Variants in KCTD16 observed in about 807,000 individuals in gnomAD.
The protein encoded by KCTD16 is potassium channel tetramerization domain containing 16.
In KCTD16, 13 loss-of-function variants were observed where a neutral mutation model predicts 33.2. That is an observed-to-expected ratio of 0.39 (90% CI 0.25 to 0.62). The LOEUF is 0.62. Ranked by LOEUF, KCTD16 falls within the 20% of genes least tolerant of loss-of-function variation. The pLI is 0.50. For synonymous variants in KCTD16, 197 were observed against 195.3 expected, an observed-to-expected ratio of 1.01 and a Z score of -0.07; for missense variants, 441 against 525.1, an observed-to-expected ratio of 0.84 and a Z score of 1.57.
rs1756161786 is a variant in KCTD16 at position 144,299,128 on chromosome 5, ATATATATATATATATATATATTTTTTT to A, written c.832+91584_832+91610del. Among the ~76,000 whole-genome samples, 6 of 27,414 alleles carry A rather than the reference ATATATATATATATATATATATTTTTTT, an allele frequency of 2.2e-4. 1 individual carries two copies. The highest frequency in any genetic ancestry group is 1.4e-3 in the African/African-American group (6 of 4,368). The allele number at this position is 27,414 out of a possible 152,430, so 18.0% of individuals were successfully genotyped here. On this transcript the variant is annotated intron_variant, in intron 3 of 3. Coordinates refer to ENST00000512467, the MANE Select transcript of KCTD16 (RefSeq NM_020768.4). ...TATATATATATATATATATATATAT[ATATATATATATATATATATATTTTTTT>A]TTTTTTTTTTAACCTGTCACTGAGC... is the stretch of plus-strand genomic sequence containing the variant.
chr5:144,232,362 T>C (rs1471590989), intron 3 of KCTD16, among the ~76,000 whole-genome samples: 1 of 152,242 alleles, frequency 6.6e-6, no homozygotes, highest in East Asian at 1.9e-4. Flanking sequence ...TTAATATTTT[T>C]TGAGCACTTA....
At chr5:144,441,892 A>G (rs967085314) in intron 3 of KCTD16, among the ~76,000 whole-genome samples, 3 of 149,682 alleles carry the variant, frequency 2.0e-5, no homozygotes, top group African/African-American at 7.4e-5. Context: ...TTTGTTGGAG[A>G]TTGCATTGAA....
intron 3 of KCTD16, among the ~76,000 whole-genome samples, chr5:144,316,709 C>T (rs930759395): frequency 1.3e-5 from 2 of 151,570 alleles, no homozygotes; most frequent in Admixed American, 6.6e-5. Flanking sequence ...GAAGGGGTTT[C>T]GCTGTGTTAG....
intron 3 of KCTD16, among the ~76,000 whole-genome samples, chr5:144,337,212 G>A (rs1752512835): frequency 1.3e-5 from 2 of 151,890 alleles, no homozygotes; most frequent in African/African-American, 4.8e-5. Flanking sequence ...TGCGTTGCGT[G>A]CTGTAGAATG....
intron 2 of KCTD16, among the ~76,000 whole-genome samples, chr5:144,189,173 T>C (rs150964949): frequency 2.4e-3 from 363 of 152,298 alleles, no homozygotes; most frequent in African/African-American, 8.4e-3. Flanking sequence ...GGAGAACATG[T>C]ACTGTTTTGA....
chr5:144,297,608 C>G (rs991235654), intron 3 of KCTD16, among the ~76,000 whole-genome samples: 19 of 152,142 alleles, frequency 1.2e-4, no homozygotes, highest in African/African-American at 4.6e-4. Context: ...ACTAGATTTC[C>G]TAGGCTAAGA....
At chr5:144,297,251 G>C (rs1479547362) in intron 3 of KCTD16, among the ~76,000 whole-genome samples, 1 of 152,088 alleles carries the variant, frequency 6.6e-6, no homozygotes, top group Non-Finnish European at 1.5e-5. Context: ...TACTACCATG[G>C]GTGTGCCCCT....
intron 3 of KCTD16, among the ~76,000 whole-genome samples, chr5:144,286,835 T>TAGTA (rs1755759358): frequency 6.6e-6 from 1 of 152,188 alleles, no homozygotes; most frequent in Non-Finnish European, 1.5e-5. Context: ...ATCTATCTTC[T>TAGTA]ATGATAATTG....
At chr5:144,252,697 GT>G (rs1254187379) in intron 3 of KCTD16, among the ~76,000 whole-genome samples, 1 of 151,008 alleles carries the variant, frequency 6.6e-6, no homozygotes, top group Non-Finnish European at 1.5e-5. Flanking sequence ...TGAGGCTCAT[GT>G]CAGAAAACCT....
intron 3 of KCTD16, among the ~76,000 whole-genome samples, chr5:144,340,454 G>C (rs979140101): frequency 5.9e-5 from 9 of 151,580 alleles, no homozygotes; most frequent in African/African-American, 2.2e-4. Context: ...GTTGGAGAGG[G>C]GGAGCTTTTG....
At chr5:144,392,480 AAAATATT>A (rs1177058171) in intron 3 of KCTD16, among the ~76,000 whole-genome samples, 1 of 152,190 alleles carries the variant, frequency 6.6e-6, no homozygotes, top group Non-Finnish European at 1.5e-5. Flanking sequence ...TAAAAAGGAC[AAAATATT>A]ATGCTCTCTG....
intron 3 of KCTD16, among the ~76,000 whole-genome samples, chr5:144,265,747 G>A (rs1755124830): frequency 6.6e-6 from 1 of 152,290 alleles, no homozygotes; most frequent in Non-Finnish European, 1.5e-5. Flanking sequence ...ATTTGAAACT[G>A]TCATTTAATA....
intron 3 of KCTD16, among the ~76,000 whole-genome samples, chr5:144,299,993 G>A (rs576614035): frequency 7.4e-4 from 112 of 151,398 alleles, no homozygotes; most frequent in African/African-American, 2.7e-3. Flanking sequence ...ATCATTTATA[G>A]CTGTCTATCT....
rs1753180693 is a variant in KCTD16, at chr5:144,206,655, G to T, written c.-60G>T. Reference sequence around the variant, plus strand: ...CTTACAAGTTGATCCAAAGGATAAGGCTGTGACTCCATTGGATTGCACCTT... The same window carrying T: ...CTTACAAGTTGATCCAAAGGATAAGTCTGTGACTCCATTGGATTGCACCTT... On this transcript the variant is annotated 5_prime_UTR_variant, in exon 3 of 4. Coordinates refer to ENST00000512467, the MANE Select transcript of KCTD16 (RefSeq NM_020768.4). The T allele has an allele frequency of 7.2e-7, 1 of 1,384,520 alleles. No individual in the cohort carries two copies. Among genetic ancestry groups the T allele is most frequent in the Non-Finnish European group, 1.0e-6 (1 of 995,056 alleles). 85.8% of individuals were successfully genotyped at this position (1,384,520 alleles called of 1,614,324 possible).
At chr5:144,411,705 G>GTT (rs1255875103) in intron 3 of KCTD16, among the ~76,000 whole-genome samples, 1 of 152,098 alleles carries the variant, frequency 6.6e-6, no homozygotes, top group Non-Finnish European at 1.5e-5. Context: ...AAGCTAAAAT[G>GTT]TTTCTGCACA....
At chr5:144,209,478 A>G (rs753884884) in intron 3 of KCTD16, among the ~76,000 whole-genome samples, 57 of 152,114 alleles carry the variant, frequency 3.7e-4, no homozygotes, top group Non-Finnish European at 6.6e-4. Context: ...CCAGCAGCAT[A>G]TATCTTGCAA....
chr5:144,466,241 T>G (rs1754329235), intron 3 of KCTD16, among the ~76,000 whole-genome samples: 1 of 137,790 alleles, frequency 7.3e-6, no homozygotes, highest in Non-Finnish European at 1.5e-5. Flanking sequence ...TAGCTAGGGT[T>G]TTTTTTTTTT....
At chr5:144,208,443 T>C (rs1431337552) in intron 3 of KCTD16, among the ~76,000 whole-genome samples, 4 of 152,220 alleles carry the variant, frequency 2.6e-5, no homozygotes, top group African/African-American at 9.6e-5. Flanking sequence ...CATTGATCCC[T>C]GAAAGGAAAA....
At chr5:144,290,149 T>G (rs577084694) in intron 3 of KCTD16, among the ~76,000 whole-genome samples, 2 of 151,810 alleles carry the variant, frequency 1.3e-5, no homozygotes, top group South Asian at 2.1e-4. Flanking sequence ...ACAAAAATTA[T>G]CCAGGCAAGG....
Sources: gnomAD v4.1 joint callset for allele counts (sites outside exome capture counted in the v4.1 genomes callset) on GRCh38, gnomAD v4.1.1 for gene constraint, MANE v1.5 for transcripts, NCBI Gene and HGNC (gene_info 2026-07-23, HGNC 2026-07-21) for gene names.